PIR: variants seen among roughly 807,000 people sequenced by gnomAD.
PIR encodes pirin (iron-binding nuclear protein).
A neutral mutation model predicts 24.2 loss-of-function variants in PIR; 22 were observed. The observed-to-expected ratio is 0.91, with a 90% CI of 0.65 to 1.30. The LOEUF (loss-of-function observed/expected upper bound fraction) is 1.30, where lower values mean the gene tolerates loss of function less well. PIR is among the 50% of genes most tolerant of loss of function. The probability of loss-of-function intolerance (pLI) is 0.00; values close to 1 mark genes in which losing one functional copy is unlikely to be tolerated. For missense variants in PIR, 220 were observed against 220.3 expected, an observed-to-expected ratio of 1.00 and a Z score of 0.01; for synonymous variants, 80 against 79.6, an observed-to-expected ratio of 1.00 and a Z score of -0.03.
intron 5 of PIR, among the ~76,000 whole-genome samples, chrX:15,444,290 C>T (rs893473359): frequency 4.5e-5 from 5 of 112,125 alleles, no homozygotes; most frequent in African/African-American, 1.6e-4. Flanking sequence ...AACATTAGGA[C>T]GCGCTGGAGG....
chrX:15,390,094 C>A (rs930707710), intron 9 of PIR, 91 bp downstream of exon 9: 3 of 423,545 alleles, frequency 7.1e-6, no homozygotes, highest in East Asian at 8.5e-5. Context: ...ACAAAAAAAA[C>A]CAGCTATTCT....
At chrX:15,416,900 C>A (rs1273849145) in intron 6 of PIR, among the ~76,000 whole-genome samples, 1 of 111,644 alleles carries the variant, frequency 9.0e-6, no homozygotes, top group Non-Finnish European at 1.9e-5. Context: ...CCCAGTCAAG[C>A]CTTGAGATGA....
chrX:15,452,499 T>C (rs778057554), intron 5 of PIR, among the ~76,000 whole-genome samples: 146 of 111,971 alleles, frequency 1.3e-3, no homozygotes, highest in Non-Finnish European at 2.1e-3. Context: ...AAAGGCAGTT[T>C]TGTTGCTCAT....
At chrX:15,423,284 T>C (rs1925197925) in intron 6 of PIR, among the ~76,000 whole-genome samples, 1 of 112,107 alleles carries the variant, frequency 8.9e-6, no homozygotes, top group Non-Finnish European at 1.9e-5. Flanking sequence ...AATGATATTA[T>C]ATCAAGCTCA....
At chrX:15,452,658 A>G (rs930728138) in intron 5 of PIR, among the ~76,000 whole-genome samples, 2 of 112,187 alleles carry the variant, frequency 1.8e-5, no homozygotes, top group Admixed American at 9.4e-5. Flanking sequence ...TGATTTCTCA[A>G]GATGGGTAAA....
intron 9 of PIR, among the ~76,000 whole-genome samples, chrX:15,386,007 G>A (rs1343458748): frequency 9.0e-6 from 1 of 111,557 alleles, no homozygotes; most frequent in Non-Finnish European, 1.9e-5. Context: ...AGAGGCACTG[G>A]ACTGTCTCAC....
At chrX:15,400,375 C>A (rs1924335549) in intron 7 of PIR, among the ~76,000 whole-genome samples, 1 of 111,976 alleles carries the variant, frequency 8.9e-6, no homozygotes, top group African/African-American at 3.2e-5. Flanking sequence ...ATGTATAACA[C>A]CCATTACCCA....
chrX:15,459,393 T>C (rs770855923), intron 4 of PIR, among the ~76,000 whole-genome samples: 3 of 112,050 alleles, frequency 2.7e-5, no homozygotes, highest in East Asian at 2.8e-4. Flanking sequence ...AGTTGGGATA[T>C]CATTCCTGAT....
chrX:15,418,554 C>T (rs1925003216), intron 6 of PIR, among the ~76,000 whole-genome samples: 1 of 112,099 alleles, frequency 8.9e-6, no homozygotes, highest in Non-Finnish European at 1.9e-5. Context: ...AAATTAGATT[C>T]TTTGTAAGTG....
chrX:15,467,311 C>T (rs1047851435), intron 3 of PIR, among the ~76,000 whole-genome samples: 1 of 112,376 alleles, frequency 8.9e-6, no homozygotes, highest in Non-Finnish European at 1.9e-5. Context: ...TTCACTCCCC[C>T]ACCCCCATGC....
chrX:15,435,538 CAACT>C (rs1376710910), intron 5 of PIR, among the ~76,000 whole-genome samples: 1 of 112,029 alleles, frequency 8.9e-6, no homozygotes, highest in Non-Finnish European at 1.9e-5. Context: ...TCAGGAGTCC[CAACT>C]AATAGAGTAA....
chrX:15,489,116 CAA>C (rs1434331444), intron 2 of PIR, among the ~76,000 whole-genome samples: 1 of 111,854 alleles, frequency 8.9e-6, no homozygotes, highest in African/African-American at 3.2e-5. Context: ...CAATTGAAAT[CAA>C]AGTTATTTTC....
At chrX:15,476,804 C>A (rs5980160) in intron 3 of PIR, among the ~76,000 whole-genome samples, 55,317 of 110,519 alleles carry the variant, frequency 0.5, 10,331 homozygotes, top group African/African-American at 0.67. Flanking sequence ...TGGCAAAGGT[C>A]AGAAAAGTCG....
intron 2 of PIR, among the ~76,000 whole-genome samples, chrX:15,490,630 A>G (rs1923101666): frequency 9.0e-6 from 1 of 110,610 alleles, no homozygotes; most frequent in African/African-American, 3.3e-5. Context: ...TCTGAGAGCT[A>G]GACCCATCTA....
At position 15,465,385 on chromosome X, in the gene PIR, A is replaced by C. The variant is rs184796792; in HGVS notation, c.190-5645T>G. On this transcript the variant is annotated intron_variant, in intron 3 of 9. Transcript: ENST00000380420. ...AATGCTAGACTGAGACTTTACATATAAATTAATGTCTGTAGAGGATTTTTT... is the reference window on the plus strand; with the variant it reads ...AATGCTAGACTGAGACTTTACATATCAATTAATGTCTGTAGAGGATTTTTT... 3.1e-3 allele frequency among the ~76,000 whole-genome samples: 345 copies of C among 111,964 alleles called. 2 individuals carry two copies. The highest frequency in any genetic ancestry group is 0.011 in the African/African-American group (337 of 30,848).
intron 5 of PIR, among the ~76,000 whole-genome samples, chrX:15,426,461 G>A (rs1280209588): frequency 4.5e-5 from 5 of 111,741 alleles, no homozygotes; most frequent in Non-Finnish European, 9.4e-5. Context: ...AAAATGGTCC[G>A]ACACTGCTCG....
intron 5 of PIR, among the ~76,000 whole-genome samples, chrX:15,428,841 C>T (rs1247387916): frequency 8.9e-6 from 1 of 111,839 alleles, no homozygotes; most frequent in African/African-American, 3.3e-5. Context: ...ACCAACGAAA[C>T]ACTTATCTTC....
At chrX:15,457,506 G>C (rs980189139) in intron 4 of PIR, among the ~76,000 whole-genome samples, 3 of 111,841 alleles carry the variant, frequency 2.7e-5, no homozygotes, top group African/African-American at 9.8e-5. Flanking sequence ...AGAATGACAG[G>C]GTTCTGTGAG....
Position 15,396,781 on chromosome X carries a change from G to A in PIR, c.693+668C>T, listed in dbSNP as rs1386249570. ...TTTTGAGACGGAGTCTCACTGTGTT[G>A]CCCAGCTGGAGTGCAGTGGCGCAAT... is the stretch of plus-strand genomic sequence containing the variant. On this transcript the variant is annotated intron_variant, in intron 8 of 9. Transcript: ENST00000380420. Among the ~76,000 whole-genome samples, 25 of 61,175 alleles carry A rather than the reference G, an allele frequency of 4.1e-4. 1 individual carries two copies. The highest frequency in any genetic ancestry group is 9.0e-4 in the Non-Finnish European group (24 of 26,710). 53.1% of individuals were successfully genotyped at this position (61,175 alleles called of 115,157 possible).
Sources: allele counts gnomAD v4.1 joint callset (sites outside exome capture counted in the v4.1 genomes callset), GRCh38; gene constraint gnomAD v4.1.1; transcripts MANE v1.5; gene names NCBI Gene and HGNC (gene_info 2026-07-23, HGNC 2026-07-21).